Variants in ZFHX3 observed in about 807,000 individuals in gnomAD.
ZFHX3 encodes the protein zinc finger homeobox 3.
In ZFHX3, 42 loss-of-function variants were observed where a neutral mutation model predicts 279.1. The observed-to-expected ratio is 0.15, with a 90% CI of 0.12 to 0.19. The LOEUF is 0.19. ZFHX3 is among the 10% of genes least tolerant of loss of function. The pLI is 1.00. For synonymous variants in ZFHX3, 2,293 were observed against 1,957.8 expected (o/e 1.17, Z -4.52); for missense variants, 4,981 against 4,754.0 (o/e 1.05, Z -1.40).
At chr16:72,926,116 A>G (rs1031146142) in intron 3 of ZFHX3, among the ~76,000 whole-genome samples, 2 of 152,220 alleles carry the variant, frequency 1.3e-5, no homozygotes, top group Non-Finnish European at 2.9e-5. Flanking sequence ...AAACACATCT[A>G]TCAACTGAAA....
chr16:73,706,257 T>C (rs1567556900), intron 1 of ZFHX3, among the ~76,000 whole-genome samples: 1 of 152,008 alleles, frequency 6.6e-6, no homozygotes, highest in Non-Finnish European at 1.5e-5. Flanking sequence ...GGTCAGGAGT[T>C]TGAGACCAAC....
intron 1 of ZFHX3, among the ~76,000 whole-genome samples, chr16:73,010,179 C>T (rs1170923040): frequency 6.6e-6 from 1 of 152,150 alleles, no homozygotes; most frequent in Non-Finnish European, 1.5e-5. Context: ...CAGGGCACTG[C>T]TACTCGCCCT....
intron 1 of ZFHX3, among the ~76,000 whole-genome samples, chr16:73,032,988 G>A (rs1964763863): frequency 6.6e-6 from 1 of 152,212 alleles, no homozygotes; most frequent in African/African-American, 2.4e-5. Context: ...GGCAGCAGGA[G>A]CAGGATGGGG....
intron 2 of ZFHX3, among the ~76,000 whole-genome samples, chr16:73,649,195 TAC>T (rs1385368382): frequency 2.1e-4 from 32 of 152,340 alleles, no homozygotes; most frequent in Non-Finnish European, 2.4e-4. Flanking sequence ...AGTAATGAGT[TAC>T]TGCATAATAT....
At chr16:73,785,344 C>G (rs919252223) in intron 1 of ZFHX3, among the ~76,000 whole-genome samples, 9 of 152,166 alleles carry the variant, frequency 5.9e-5, no homozygotes, top group Non-Finnish European at 8.8e-5. Context: ...CCAAATTCTT[C>G]CACATAAATG....
intron 1 of ZFHX3, among the ~76,000 whole-genome samples, chr16:73,881,038 T>A (rs1421961337): frequency 6.6e-6 from 1 of 152,174 alleles, no homozygotes; most frequent in African/African-American, 2.4e-5. Context: ...AAGTACTACA[T>A]CCGCTCTTCA....
intron 2 of ZFHX3, among the ~76,000 whole-genome samples, chr16:73,665,271 T>G (rs577149080): frequency 6.6e-6 from 1 of 150,518 alleles, no homozygotes; most frequent in African/African-American, 2.4e-5. Context: ...TGGAGTGCAC[T>G]GGTGCCATCC....
At chr16:73,688,605 C>T (rs552996341) in intron 1 of ZFHX3, among the ~76,000 whole-genome samples, 1 of 152,106 alleles carries the variant, frequency 6.6e-6, no homozygotes, top group African/African-American at 2.4e-5. Context: ...GGATCTTGGA[C>T]TTCCCAGACC....
At position 72,852,782 on chromosome 16, in the gene ZFHX3, C is replaced by T. The variant is rs115200979; in HGVS notation, c.3449-22923G>A. On this transcript the variant is annotated intron_variant, in intron 4 of 9. Coordinates refer to ENST00000268489, the MANE Select transcript of ZFHX3 (RefSeq NM_006885.4). ...CAGTTGATAACCTAACCAGACAGAA[C>T]GCTCCCCATGGTAGTTTTCTCCTCC... Among the ~76,000 whole-genome samples the T allele has an allele frequency of 7.1e-3, 1,077 of 152,252 alleles. 14 individuals carry two copies. The highest frequency in any genetic ancestry group is 0.024 in the African/African-American group (1,012 of 41,534).
chr16:73,723,972 C>T (rs1823013634), intron 1 of ZFHX3, among the ~76,000 whole-genome samples: 1 of 152,132 alleles, frequency 6.6e-6, no homozygotes, highest in African/African-American at 2.4e-5. Context: ...CGCCTTTGGT[C>T]TCTGATAAGG....
intron 4 of ZFHX3, among the ~76,000 whole-genome samples, chr16:73,288,570 A>G (rs980848143): frequency 3.9e-5 from 6 of 152,180 alleles, no homozygotes; most frequent in Non-Finnish European, 1.5e-5. Context: ...GTGCCAACTT[A>G]GCAACTCCCC....
At chr16:73,078,101 G>T (rs1022340876) in intron 8 of ZFHX3, among the ~76,000 whole-genome samples, 2 of 152,134 alleles carry the variant, frequency 1.3e-5, no homozygotes, top group East Asian at 3.8e-4. Flanking sequence ...CACTGTGCCT[G>T]GCCAAAGCCA....
intron 2 of ZFHX3, among the ~76,000 whole-genome samples, chr16:73,573,244 C>A (rs2051760372): frequency 6.6e-6 from 1 of 152,188 alleles, no homozygotes; most frequent in Non-Finnish European, 1.5e-5. Flanking sequence ...TGCTCTGACA[C>A]AGAAGACCCT....
intron 5 of ZFHX3, among the ~76,000 whole-genome samples, chr16:73,150,861 A>T (rs949957838): frequency 1.3e-5 from 2 of 152,220 alleles, no homozygotes; most frequent in African/African-American, 4.8e-5. Flanking sequence ...TTCTTTGTAA[A>T]TTCAGTAGAA....
At chr16:72,789,864 A>G (rs1020113006) in intron 9 of ZFHX3, 2 of 152,262 alleles carry the variant, frequency 1.3e-5, no homozygotes, top group African/African-American at 2.4e-5. Context: ...ATGGTTGAGA[A>G]ACAACCGCAG....
chr16:73,075,063 C>T (rs1219588164), intron 8 of ZFHX3, among the ~76,000 whole-genome samples: 1 of 152,212 alleles, frequency 6.6e-6, no homozygotes, highest in African/African-American at 2.4e-5. Flanking sequence ...CAGCCTTGGT[C>T]TCCCAAAGTG....
intron 2 of ZFHX3, among the ~76,000 whole-genome samples, chr16:73,593,669 A>G (rs1004542501): frequency 6.6e-6 from 1 of 152,152 alleles, no homozygotes; most frequent in African/African-American, 2.4e-5. Context: ...ATCCTATGAC[A>G]TATATAAAGA....
intron 2 of ZFHX3, among the ~76,000 whole-genome samples, chr16:73,675,776 C>G (rs571584130): frequency 1.3e-5 from 2 of 152,038 alleles, no homozygotes; most frequent in African/African-American, 4.8e-5. Flanking sequence ...AAAATAAAGT[C>G]TCACAAATAT....
exon 8 of ZFHX3, chr16:73,093,245 C>T (rs747933907): frequency 2.0e-6 from 1 of 512,614 alleles, no homozygotes; most frequent in Non-Finnish European, 3.9e-6. Context: ...CTGGCGTTGA[C>T]TTCCAGGTTC....
Sources: gnomAD v4.1 joint callset for allele counts (sites outside exome capture counted in the v4.1 genomes callset) on GRCh38, gnomAD v4.1.1 for gene constraint, MANE v1.5 for transcripts, NCBI Gene and HGNC (gene_info 2026-07-23, HGNC 2026-07-21) for gene names.